RUFY4: variants seen among roughly 807,000 people sequenced by gnomAD.
RUFY4 encodes the protein RUN and FYVE domain-containing protein 4.
Under a neutral mutation model 69.0 loss-of-function variants are expected in RUFY4, and 73 were observed. The ratio of observed to expected loss-of-function variants is 1.06; its 90% CI spans 0.88 to 1.29. RUFY4 has a LOEUF of 1.29. Among genes scored for constraint, RUFY4 ranks in the 50% most tolerant of loss-of-function variants. The pLI is 0.00. For missense variants in RUFY4, 770 were observed against 705.6 expected, an observed-to-expected ratio of 1.09 and a Z score of -1.03; for synonymous variants, 287 against 271.8, an observed-to-expected ratio of 1.06 and a Z score of -0.55.
At chr2:218,058,120 C>T (rs184247348) in intron 2 of RUFY4, among the ~76,000 whole-genome samples, 7 of 152,318 alleles carry the variant, frequency 4.6e-5, no homozygotes, top group Admixed American at 1.3e-4. Context: ...ACCAGCAATG[C>T]ATGAAAGTAT....
At chr2:218,062,880 G>C (rs1316851603) in intron 3 of RUFY4, among the ~76,000 whole-genome samples, 1 of 152,218 alleles carries the variant, frequency 6.6e-6, no homozygotes, top group Non-Finnish European at 1.5e-5. Flanking sequence ...ACCCCAATAA[G>C]AGGGAACGGC....
At chr2:218,049,146 G>A (rs897670053) in intron 2 of RUFY4, among the ~76,000 whole-genome samples, 3 of 152,108 alleles carry the variant, frequency 2.0e-5, no homozygotes, top group African/African-American at 7.2e-5. Context: ...AAATTTCTTG[G>A]CCCTGAGTTT....
rs185653166 is a variant in RUFY4, at chr2:218,054,423, C to T, written c.-1157-4172C>T. The stretch of plus-strand genomic sequence containing the variant: ...TACAAAAATTAGCCAGTTGTGGTGG[C>T]GTGCACCTTTAATCCCAGCTACTCA... On this transcript the variant is annotated intron_variant and NMD_transcript_variant, in intron 2 of 13. Coordinates refer to the RUFY4 transcript ENST00000457754. Among the ~76,000 whole-genome samples, 514 of 152,072 alleles carry T rather than the reference C, an allele frequency of 3.4e-3. 2 individuals are homozygous for T. The highest frequency in any genetic ancestry group is 0.011 in the African/African-American group (467 of 41,468).
At chr2:218,057,988 A>T (rs1238509567) in intron 2 of RUFY4, among the ~76,000 whole-genome samples, 1 of 152,220 alleles carries the variant, frequency 6.6e-6, no homozygotes, top group African/African-American at 2.4e-5. Context: ...ACATTTGTCC[A>T]ACTAAGCAGC....
chr2:218,043,900 C>T (rs1005616430), intron 2 of RUFY4, among the ~76,000 whole-genome samples: 1 of 152,224 alleles, frequency 6.6e-6, no homozygotes, highest in Admixed American at 6.5e-5. Flanking sequence ...GCTTCCCTCC[C>T]ATGCTTGTCA....
At chr2:218,075,461 A>G (rs1404881367) in exon 7 of RUFY4, 1 of 1,607,402 alleles carries the variant, frequency 6.2e-7, no homozygotes, top group East Asian at 2.2e-5. Context: ...TGCTGGTTGC[A>G]GAGGGTCAGA....
chr2:218,043,972 G>C (rs958095488), intron 2 of RUFY4, among the ~76,000 whole-genome samples: 1 of 152,262 alleles, frequency 6.6e-6, no homozygotes, highest in African/African-American at 2.4e-5. Context: ...ACTGCTCTGA[G>C]TGTGCACCCA....
chr2:218,047,681 G>A lies in RUFY4; in HGVS notation c.-1157-10914G>A, dbSNP rs116036281. ...ATATCTAGCGAAAATTAGGATGTAC[G>A]TGGTTTCATTGGCCTAAATCCTATT... On this transcript the variant is annotated intron_variant and NMD_transcript_variant, in intron 2 of 13. Transcript: ENST00000457754. Among the ~76,000 whole-genome samples, 1,457 of 152,098 alleles carry A rather than the reference G, an allele frequency of 9.6e-3. 27 individuals are homozygous for A. The highest frequency in any genetic ancestry group is 0.033 in the African/African-American group (1,357 of 41,500).
rs963697624 is a variant in RUFY4 at position 218,090,249 on chromosome 2, G to A, written c.*195G>A. On this transcript the variant is annotated 3_prime_UTR_variant, in exon 11 of 11. Coordinates refer to ENST00000344321, the Ensembl canonical transcript of RUFY4. ...GTTCCAGCCCTGCAACTACCACAAC[G>A]AGCCAGGTGACTTTGGCGAAGCTCT... 12 of 366,572 alleles carry A rather than the reference G, an allele frequency of 3.3e-5. 1 individual carries two copies. The highest frequency in any genetic ancestry group is 1.7e-4 in the African/African-American group (8 of 46,914). The allele number at this position is 366,572 out of a possible 1,614,324, so 22.7% of individuals were successfully genotyped here.
chr2:218,080,388 G>T (rs1457912082), intron 8 of RUFY4, among the ~76,000 whole-genome samples: 1 of 152,214 alleles, frequency 6.6e-6, no homozygotes, highest in East Asian at 1.9e-4. Context: ...CTTCAGGCAG[G>T]CCCATGGGGC....
intron 2 of RUFY4, among the ~76,000 whole-genome samples, chr2:218,071,341 C>G (rs1351836547): frequency 6.6e-6 from 1 of 152,164 alleles, no homozygotes; most frequent in Non-Finnish European, 1.5e-5. Flanking sequence ...TTTTGCCACC[C>G]TGCCACTCAT....
At chr2:218,067,963 G>T (rs2106043058), upstream of RUFY4, among the ~76,000 whole-genome samples, 1 of 152,326 alleles carries the variant, frequency 6.6e-6, no homozygotes. Context: ...ACCTAGAGAG[G>T]AGTTACCCAT....
Position 218,075,565 on chromosome 2 carries a change from T to C in RUFY4, c.1073T>C (p.Val358Ala). 2.0e-6 allele frequency: 3 copies of C among 1,529,006 alleles called. No homozygotes were observed. The South Asian group carries it at 3.9e-5, about 20-fold the overall frequency. 94.7% of individuals were successfully genotyped at this position (1,529,006 alleles called of 1,614,324 possible). A position where few individuals can be genotyped will look rare whatever the true frequency, so the allele number is the denominator to read the frequency against. ...CCCAGAGGGGCTGTAGAGGGAGCAG[T>C]ATCAGGGAGCAGGCAGGGGTCGGGG... is the stretch of plus-strand genomic sequence containing the variant. Residue 358 changes from valine (V) to alanine (A), a missense_variant, in exon 7 of 11, where the codon GTA becomes GCA. By Grantham distance (64) the Val-to-Ala change is moderately conservative. Coordinates refer to ENST00000344321, the Ensembl canonical transcript of RUFY4.
chr2:218,052,399 G>C (rs1688964471), intron 2 of RUFY4, among the ~76,000 whole-genome samples: 1 of 152,112 alleles, frequency 6.6e-6, no homozygotes, highest in African/African-American at 2.4e-5. Flanking sequence ...CAAGGTATTG[G>C]TTTTCTTGTT....
At chr2:218,073,137 G>A in intron 4 of RUFY4, 106 bp from the exon 7 acceptor site, 1 of 1,355,940 alleles carries the variant, frequency 7.4e-7, no homozygotes, top group Non-Finnish European at 1.0e-6. Flanking sequence ...ATGACGGTGT[G>A]TAGTGGAGGC....
At chr2:218,060,349 G>C in intron 3 of RUFY4, 1 of 1,538,640 alleles carries the variant, frequency 6.5e-7, no homozygotes, top group Non-Finnish European at 8.7e-7. Context: ...TTAGAGAGTA[G>C]TGGAAGTGTG....
chr2:218,063,905 A>C (rs1443255815), intron 3 of RUFY4, among the ~76,000 whole-genome samples: 1 of 152,116 alleles, frequency 6.6e-6, no homozygotes, highest in Non-Finnish European at 1.5e-5. Flanking sequence ...CTCTTCTTTC[A>C]ACCAAACAAA....
At chr2:218,071,893 G>A (rs1261626016) in intron 2 of RUFY4, among the ~76,000 whole-genome samples, 1 of 152,116 alleles carries the variant, frequency 6.6e-6, no homozygotes, top group African/African-American at 2.4e-5. Flanking sequence ...CCCCATCCCT[G>A]GGGCTGTGCT....
At chr2:218,043,511 C>T (rs1238483101) in intron 2 of RUFY4, among the ~76,000 whole-genome samples, 2 of 152,188 alleles carry the variant, frequency 1.3e-5, no homozygotes, top group Non-Finnish European at 2.9e-5. Context: ...GTCCTCTCTG[C>T]AGCTGGTCAA....
Sources: gnomAD v4.1 joint callset for allele counts (sites outside exome capture counted in the v4.1 genomes callset) on GRCh38, gnomAD v4.1.1 for gene constraint, MANE v1.5 for transcripts, NCBI Gene and HGNC (gene_info 2026-07-23, HGNC 2026-07-21) for gene names.